The following C3orf18 variants were observed in gnomAD, a reference collection of about 807,000 sequenced individuals.
C3orf18 encodes chromosome 3 open reading frame 18, also known as uncharacterized protein C3orf18.
In C3orf18, 12 loss-of-function variants were observed where a neutral mutation model predicts 14.1. The ratio of observed to expected loss-of-function variants is 0.85; its 90% CI spans 0.55 to 1.38. The LOEUF is 1.38. C3orf18 is among the 40% of genes most tolerant of loss of function. C3orf18 has a pLI of 0.00. For missense variants in C3orf18, 196 were observed against 213.9 expected, an observed-to-expected ratio of 0.92 and a Z score of 0.52; for synonymous variants, 82 against 87.9, an observed-to-expected ratio of 0.93 and a Z score of 0.38.
intron 3 of C3orf18, among the ~76,000 whole-genome samples, chr3:50,563,213 G>A (rs1362272849): frequency 2.0e-5 from 3 of 152,066 alleles, no homozygotes; most frequent in Non-Finnish European, 1.5e-5. Flanking sequence ...CCTGTCCAGG[G>A]TTGCATGTAG....
chr3:50,560,344 G>A (rs1399687219), intron 5 of C3orf18, among the ~76,000 whole-genome samples: 1 of 152,202 alleles, frequency 6.6e-6, no homozygotes, highest in Non-Finnish European at 1.5e-5. Context: ...GGTTACAACA[G>A]GATGGCCACA....
chr3:50,560,301 G>A (rs1699885172), intron 5 of C3orf18, among the ~76,000 whole-genome samples: 1 of 152,204 alleles, frequency 6.6e-6, no homozygotes, highest in Admixed American at 6.5e-5. Flanking sequence ...TGGGGATTTG[G>A]GGAAATGGTG....
At chr3:50,559,831 T>A in intron 5 of C3orf18, 94 bp from the exon 6 acceptor site, 2 of 705,240 alleles carry the variant, frequency 2.8e-6, no homozygotes, top group Non-Finnish European at 4.4e-6. Flanking sequence ...GGTGCCTGCT[T>A]ATGCTTGGCA....
chr3:50,571,611 C>A, upstream of C3orf18: 3 of 1,123,950 alleles, frequency 2.7e-6, no homozygotes, highest in Non-Finnish European at 2.7e-6. Context: ...GAGGGTTGGG[C>A]CTCCAGACCA....
At chr3:50,572,005 G>A, upstream of C3orf18, 5 of 1,540,346 alleles carry the variant, frequency 3.2e-6, no homozygotes, top group Non-Finnish European at 4.4e-6. Flanking sequence ...CAAGGCCCTG[G>A]AGACATGGTC....
At chr3:50,561,784 G>A in intron 3 of C3orf18, 37 bp from the exon 4 acceptor site, 1 of 1,613,020 alleles carries the variant, frequency 6.2e-7, no homozygotes, top group Non-Finnish European at 8.5e-7. Context: ...GGCAAGGAGA[G>A]GAGGCCCTGA....
upstream of C3orf18, chr3:50,571,951 GA>G: frequency 9.9e-7 from 1 of 1,013,750 alleles, no homozygotes; most frequent in South Asian, 1.4e-5. Context: ...CCGGGGTACT[GA>G]ATAGGAAGAA....
At chr3:50,572,173 G>T (rs1314276299), upstream of C3orf18, 1 of 1,613,808 alleles carries the variant, frequency 6.2e-7, no homozygotes, top group African/African-American at 1.3e-5. Context: ...CCTAAGGATG[G>T]TGCCCCCAGT....
upstream of C3orf18, among the ~76,000 whole-genome samples, chr3:50,568,235 A>AC (rs1227655526): frequency 6.6e-6 from 1 of 151,872 alleles, no homozygotes; most frequent in Non-Finnish European, 1.5e-5. Flanking sequence ...ATTATTGGGC[A>AC]CCCCGACCCA....
upstream of C3orf18, among the ~76,000 whole-genome samples, chr3:50,568,895 T>C (rs751179309): frequency 4.7e-5 from 7 of 149,892 alleles, no homozygotes; most frequent in Non-Finnish European, 7.4e-5. Flanking sequence ...CCTGGAGGAG[T>C]TGCCAATAGA....
Position 50,558,973 on chromosome 3 carries a change from C to T in C3orf18, c.*684G>A, listed in dbSNP as rs1209545510. 2 of 1,288,410 alleles carry T rather than the reference C, an allele frequency of 1.6e-6. No individual in the cohort carries two copies. Among genetic ancestry groups the T allele is most frequent in the Admixed American group, 2.3e-5 (1 of 43,510 alleles). The allele number at this position is 1,288,410 out of a possible 1,614,324, so 79.8% of individuals were successfully genotyped here. A position where few individuals can be genotyped will look rare whatever the true frequency, so the allele number is the denominator to read the frequency against. ...CTGGGGGGGCTGCATCCTTCCACTT[C>T]CATTCCCCTACTTCCTTCCCCCTCA... On this transcript the variant is annotated 3_prime_UTR_variant, in exon 6 of 6. Transcript: ENST00000357203.
chr3:50,566,761 C>T (rs1436856379), intron 1 of C3orf18, among the ~76,000 whole-genome samples: 1 of 152,124 alleles, frequency 6.6e-6, no homozygotes, highest in African/African-American at 2.4e-5. Flanking sequence ...AGGAGAAAGG[C>T]GAGGCAGGAA....
In C3orf18 at chr3:50,559,781, C is replaced by T. The variant is rs78839878; in HGVS notation, c.409-44G>A. ...GGGCATCAGAGACCATGGGCAAGGC[C>T]ATGCACTCACTGGCCTGGTCACCTC... is the stretch of plus-strand genomic sequence containing the variant. On this transcript the variant is annotated intron_variant, in intron 5 of 5. Coordinates refer to ENST00000357203, the MANE Select transcript of C3orf18 (RefSeq NM_016210.5). 181 of 1,343,354 alleles carry T rather than the reference C, an allele frequency of 1.3e-4. No individual in the cohort carries two copies. The African/African-American group carries it at 2.2e-3, about 17-fold the overall frequency. 83.2% of individuals were successfully genotyped at this position (1,343,354 alleles called of 1,614,324 possible).
chr3:50,570,226 C>G (rs1401533228), upstream of C3orf18: 1 of 152,246 alleles, frequency 6.6e-6, no homozygotes, highest in Non-Finnish European at 1.5e-5. Flanking sequence ...TGGCACTTAG[C>G]AGGTGCTTAA....
chr3:50,572,193 T>A (rs2232248), upstream of C3orf18: 188 of 1,613,272 alleles, frequency 1.2e-4, 3 homozygotes, highest in South Asian at 1.6e-3. Context: ...TGTTTATTCC[T>A]CGGCCAGAAA....
chr3:50,561,338 T>C (rs1253015851), intron 4 of C3orf18, among the ~76,000 whole-genome samples: 1 of 152,152 alleles, frequency 6.6e-6, no homozygotes, highest in African/African-American at 2.4e-5. Flanking sequence ...AGAGATCACC[T>C]AGGCTAGGGC....
chr3:50,568,662 T>C (rs1025929320), upstream of C3orf18, among the ~76,000 whole-genome samples: 4 of 135,290 alleles, frequency 3.0e-5, no homozygotes, highest in Non-Finnish European at 4.6e-5. Flanking sequence ...GAGGCCGAGG[T>C]TGCAGTGAGC....
In C3orf18 at chr3:50,561,075, G is replaced by C. The variant is rs765840353; in HGVS notation, c.261-11C>G. ...CGTAGCTTCTCCAGCCTGGGGATGG[G>C]GGCAAAGGCTGCTGGGGACAGGGCA... On this transcript the variant is annotated splice_polypyrimidine_tract_variant and intron_variant, in intron 4 of 5. Coordinates refer to ENST00000357203, the MANE Select transcript of C3orf18 (RefSeq NM_016210.5). The C allele has an allele frequency of 1.9e-6, 3 of 1,613,246 alleles. No homozygotes were observed. The highest frequency in any genetic ancestry group is 2.5e-6 in the Non-Finnish European group (3 of 1,179,528).
At chr3:50,574,141 C>T (rs892761684), upstream of C3orf18, among the ~76,000 whole-genome samples, 3 of 152,204 alleles carry the variant, frequency 2.0e-5, no homozygotes, top group Admixed American at 1.3e-4. Context: ...CAACTGCCTG[C>T]CCCTCACCTC....
Sources: gnomAD v4.1 joint callset for allele counts (sites outside exome capture counted in the v4.1 genomes callset) on GRCh38, gnomAD v4.1.1 for gene constraint, MANE v1.5 for transcripts, NCBI Gene and HGNC (gene_info 2026-07-23, HGNC 2026-07-21) for gene names.